The following LANCL3 variants were observed in gnomAD, a reference collection of about 807,000 sequenced individuals.
LANCL3 encodes lanC-like protein 3.
Under a neutral mutation model 26.5 loss-of-function variants are expected in LANCL3, and 19 were observed. The observed-to-expected ratio is 0.72, with a 90% confidence interval of 0.50 to 1.05. The LOEUF (loss-of-function observed/expected upper bound fraction) is 1.05, where lower values mean the gene tolerates loss of function less well. Among genes scored for constraint, LANCL3 ranks in the 50% least tolerant of loss-of-function variants. The pLI, the probability that LANCL3 is intolerant of heterozygous loss-of-function variation, is 0.00. For synonymous variants in LANCL3, 160 were observed against 166.6 expected (o/e 0.96, Z 0.30); for missense variants, 318 against 362.7 (o/e 0.88, Z 1.00).
At chrX:37,612,593 C>T (rs1444868673) in intron 1 of LANCL3, among the ~76,000 whole-genome samples, 1 of 112,500 alleles carries the variant, frequency 8.9e-6, no homozygotes, top group African/African-American at 3.2e-5. Flanking sequence ...CACATGCTTA[C>T]ACAGAGAATT....
At chrX:37,622,957 C>T (rs1228007324) in intron 1 of LANCL3, among the ~76,000 whole-genome samples, 1 of 112,497 alleles carries the variant, frequency 8.9e-6, no homozygotes, top group African/African-American at 3.2e-5. Flanking sequence ...ATTCACTAAA[C>T]ACCACTTCAT....
At chrX:37,652,736 G>A (rs782335815) in intron 1 of LANCL3, among the ~76,000 whole-genome samples, 2 of 111,436 alleles carry the variant, frequency 1.8e-5, no homozygotes, top group Admixed American at 1.9e-4. Context: ...GGATCTCAGA[G>A]TGTCTCAAAA....
At chrX:37,615,016 A>G in intron 1 of LANCL3, among the ~76,000 whole-genome samples, 1 of 111,904 alleles carries the variant, frequency 8.9e-6, no homozygotes, top group Non-Finnish European at 1.9e-5. Flanking sequence ...CAGCAACCCT[A>G]TGAGTTGGGT....
intron 1 of LANCL3, among the ~76,000 whole-genome samples, chrX:37,621,699 T>C (rs1925165112): frequency 8.9e-6 from 1 of 112,177 alleles, no homozygotes; most frequent in African/African-American, 3.2e-5. Context: ...AAATATTCGG[T>C]CTTTCTGATT....
At chrX:37,630,256 G>T (rs1305189739) in intron 1 of LANCL3, among the ~76,000 whole-genome samples, 1 of 111,560 alleles carries the variant, frequency 9.0e-6, no homozygotes, top group Non-Finnish European at 1.9e-5. Context: ...CTGTTTGCCT[G>T]TTATTGGTGT....
intron 1 of LANCL3, among the ~76,000 whole-genome samples, chrX:37,577,654 T>C (rs1266655594): frequency 3.6e-5 from 4 of 112,557 alleles, no homozygotes; most frequent in Non-Finnish European, 7.5e-5. Context: ...CTAGATAAAG[T>C]ACCTAGTACA....
At chrX:37,649,003 G>A (rs1407202150) in intron 1 of LANCL3, among the ~76,000 whole-genome samples, 1 of 111,932 alleles carries the variant, frequency 8.9e-6, no homozygotes, top group Admixed American at 9.4e-5. Context: ...TACACTGTTG[G>A]TGGGAGTGTA....
At chrX:37,605,099 A>G (rs1296349569) in intron 1 of LANCL3, among the ~76,000 whole-genome samples, 1 of 111,752 alleles carries the variant, frequency 8.9e-6, no homozygotes, top group African/African-American at 3.3e-5. Flanking sequence ...ATCATCTTTC[A>G]TTAGGGCTGC....
Position 37,621,167 on chromosome X carries a change from T to C in LANCL3, c.574-34521T>C, listed in dbSNP as rs112500844. 6.1e-3 allele frequency among the ~76,000 whole-genome samples: 689 copies of C among 112,426 alleles called. 5 individuals are homozygous for C. The highest frequency in any genetic ancestry group is 0.021 in the African/African-American group (654 of 30,952). On this transcript the variant is annotated intron_variant, in intron 1 of 4. Transcript: ENST00000378619. ...TGGATATCTCAGTAACAAGATACTT[T>C]GTCCTTTTTCATCATTACTTAGCTC...
intron 1 of LANCL3, among the ~76,000 whole-genome samples, chrX:37,585,990 T>TG (rs2146713463): frequency 9.0e-6 from 1 of 111,651 alleles, no homozygotes; most frequent in Non-Finnish European, 1.9e-5. Flanking sequence ...AGGGCAGGCC[T>TG]GGTGGTGACA....
chrX:37,649,820 C>A (rs1360632226), intron 1 of LANCL3, among the ~76,000 whole-genome samples: 2 of 111,241 alleles, frequency 1.8e-5, no homozygotes, highest in Non-Finnish European at 3.8e-5. Context: ...ATGACTCACA[C>A]CAAAGGCATT....
chrX:37,635,636 A>G (rs1156957679), intron 1 of LANCL3, among the ~76,000 whole-genome samples: 1 of 110,181 alleles, frequency 9.1e-6, no homozygotes, highest in Non-Finnish European at 1.9e-5. Context: ...CAACTTTTTT[A>G]TTATATAGTT....
chrX:37,648,167 T>TA (rs1469972419), intron 1 of LANCL3, among the ~76,000 whole-genome samples: 3 of 112,539 alleles, frequency 2.7e-5, no homozygotes, highest in Admixed American at 9.4e-5. Flanking sequence ...TGTCTTTTTT[T>TA]AAAAAATCAA....
chrX:37,632,197 C>T (rs1300059940), intron 1 of LANCL3, among the ~76,000 whole-genome samples: 1 of 112,087 alleles, frequency 8.9e-6, no homozygotes, highest in Non-Finnish European at 1.9e-5. Flanking sequence ...GATCCGTTTA[C>T]CATTATGTAA....
At chrX:37,616,615 G>A (rs1246603564) in intron 1 of LANCL3, among the ~76,000 whole-genome samples, 4 of 112,202 alleles carry the variant, frequency 3.6e-5, no homozygotes, top group African/African-American at 1.3e-4. Flanking sequence ...AATAAAGATT[G>A]TTGAGCATCA....
intron 1 of LANCL3, among the ~76,000 whole-genome samples, chrX:37,578,980 TA>T (rs782094502): frequency 0.017 from 897 of 53,704 alleles, 11 homozygotes; most frequent in African/African-American, 0.055. Flanking sequence ...ACTCCATCTC[TA>T]AAAAAAAAAA....
chrX:37,679,926 C>T lies in LANCL3; in HGVS notation c.*4113C>T, dbSNP rs782079310. The stretch of plus-strand genomic sequence containing the variant: ...CTTTCTGGGACCTCTAACCCAGGAC[C>T]ACCCCTGATTCACCAACTTCTCCTT... On this transcript the variant is annotated 3_prime_UTR_variant, in exon 5 of 5. Transcript: ENST00000378619. The T allele has an allele frequency of 5.4e-5, 6 of 111,507 alleles. No individual in the cohort carries two copies. In the East Asian group the frequency reaches 1.7e-3, roughly 31 times the overall value. The allele number at this position is 111,507 out of a possible 1,213,427, so 9.2% of individuals were successfully genotyped here.
At chrX:37,622,837 T>C (rs3117499) in intron 1 of LANCL3, among the ~76,000 whole-genome samples, 33,766 of 111,000 alleles carry the variant, frequency 0.3, 5,601 homozygotes, top group African/African-American at 0.65. Flanking sequence ...TCCATTACTG[T>C]ACCAGATTAA....
intron 3 of LANCL3, among the ~76,000 whole-genome samples, chrX:37,665,483 G>T (rs1262621794): frequency 1.8e-5 from 2 of 112,137 alleles, no homozygotes; most frequent in Admixed American, 1.9e-4. Flanking sequence ...TATCTCCGTA[G>T]GGAACTTCCA....
Sources: allele counts gnomAD v4.1 joint callset (sites outside exome capture counted in the v4.1 genomes callset), GRCh38; gene constraint gnomAD v4.1.1; transcripts MANE v1.5; gene names NCBI Gene and HGNC (gene_info 2026-07-23, HGNC 2026-07-21).